NLGN4X: variants seen among roughly 807,000 people sequenced by gnomAD.
NLGN4X encodes neuroligin 4 X-linked, also known as neuroligin-4, X-linked.
In NLGN4X, 3 loss-of-function variants were observed where a neutral mutation model predicts 40.3. The ratio of observed to expected loss-of-function variants is 0.07; its 90% CI spans 0.03 to 0.19. The LOEUF (loss-of-function observed/expected upper bound fraction) is 0.19. NLGN4X is among the 10% of genes least tolerant of loss of function. The pLI is 1.00. For synonymous variants in NLGN4X, 270 were observed against 306.8 expected (o/e 0.88, Z 1.25); for missense variants, 382 against 708.3 (o/e 0.54, Z 5.23).
chrX:5,902,938 CTGTG>C (rs1386061445), intron 5 of NLGN4X, 135 bp downstream of exon 5: 107 of 679,687 alleles, frequency 1.6e-4, no homozygotes, highest in Middle Eastern at 8.1e-4. Context: ...AAGCGTGTGT[CTGTG>C]TGTATGTGTG....
At chrX:6,078,210 T>A (rs1391574735) in intron 2 of NLGN4X, among the ~76,000 whole-genome samples, 1 of 111,982 alleles carries the variant, frequency 8.9e-6, no homozygotes, top group Non-Finnish European at 1.9e-5. Flanking sequence ...CTGTCCTTCA[T>A]GCATTTGATC....
intron 2 of NLGN4X, among the ~76,000 whole-genome samples, chrX:6,134,515 T>C (rs1477860946): frequency 8.9e-6 from 1 of 112,205 alleles, no homozygotes; most frequent in East Asian, 2.8e-4. Context: ...TTCCAGTTAG[T>C]TGTGCATTTT....
chrX:6,227,400 C>G (rs1208103879), intron 1 of NLGN4X, among the ~76,000 whole-genome samples: 1 of 109,294 alleles, frequency 9.1e-6, no homozygotes, highest in Non-Finnish European at 1.9e-5. Context: ...CCAGATCCCC[C>G]GAGACCCAGA....
At chrX:6,007,607 A>G (rs908015502) in intron 3 of NLGN4X, among the ~76,000 whole-genome samples, 1 of 112,395 alleles carries the variant, frequency 8.9e-6, no homozygotes, top group South Asian at 3.6e-4. Flanking sequence ...TTGCTAACAA[A>G]ATAGTGGAAG....
At chrX:6,059,488 G>A (rs898046838) in intron 2 of NLGN4X, among the ~76,000 whole-genome samples, 1 of 112,055 alleles carries the variant, frequency 8.9e-6, no homozygotes, top group Admixed American at 9.5e-5. Flanking sequence ...CACGGTGGCA[G>A]TTAATTATAC....
chrX:6,121,967 G>A (rs1264041753), intron 2 of NLGN4X, among the ~76,000 whole-genome samples: 1 of 112,661 alleles, frequency 8.9e-6, no homozygotes, highest in African/African-American at 3.2e-5. Context: ...TTCTGGTAAA[G>A]CAGTGGAATT....
At chrX:6,020,483 C>G (rs2036502569) in intron 3 of NLGN4X, among the ~76,000 whole-genome samples, 2 of 111,747 alleles carry the variant, frequency 1.8e-5, no homozygotes, top group Non-Finnish European at 3.8e-5. Flanking sequence ...AGATGTTGGC[C>G]AAAGGTTACA....
chrX:6,136,828 T>G (rs780058331), intron 2 of NLGN4X, among the ~76,000 whole-genome samples: 1 of 111,942 alleles, frequency 8.9e-6, no homozygotes, highest in Non-Finnish European at 1.9e-5. Flanking sequence ...GACCTACTTC[T>G]CTGGTGAGCA....
chrX:5,925,617 C>A lies in NLGN4X; in HGVS notation c.626-16378G>T, dbSNP rs950824660. On this transcript the variant is annotated intron_variant, in intron 3 of 5. Coordinates refer to ENST00000381095, the MANE Select transcript of NLGN4X (RefSeq NM_181332.3). ...TTGAACATTACTGCTGAAGAACACC[C>A]CATGTTCTAGAATTAACAGAATGTT... Among the ~76,000 whole-genome samples, 5 of 107,564 alleles carry A rather than the reference C, an allele frequency of 4.6e-5. No individual in the cohort carries two copies. In the South Asian group the frequency reaches 1.7e-3, roughly 36 times the overall value. The allele number at this position is 107,564 out of a possible 115,157, so 93.4% of individuals were successfully genotyped here.
chrX:6,109,814 C>G (rs760432853), intron 2 of NLGN4X, among the ~76,000 whole-genome samples: 2 of 112,236 alleles, frequency 1.8e-5, no homozygotes, highest in African/African-American at 6.5e-5. Context: ...CTATACATTT[C>G]TCTTTCAAAA....
At chrX:6,129,004 A>G (rs2039622178) in intron 2 of NLGN4X, among the ~76,000 whole-genome samples, 1 of 111,524 alleles carries the variant, frequency 9.0e-6, no homozygotes, top group Admixed American at 9.6e-5. Context: ...TGGTCTCCTG[A>G]AAAGATGTGT....
intron 1 of NLGN4X, among the ~76,000 whole-genome samples, chrX:6,155,536 A>G (rs1262923148): frequency 8.9e-6 from 1 of 111,815 alleles, no homozygotes; most frequent in African/African-American, 3.3e-5. Flanking sequence ...TGCTGTTACC[A>G]AAATGAATGA....
intron 2 of NLGN4X, among the ~76,000 whole-genome samples, chrX:6,149,743 G>A (rs988545294): frequency 1.8e-5 from 2 of 111,311 alleles, no homozygotes; most frequent in African/African-American, 6.5e-5. Flanking sequence ...CTTTCTCTGG[G>A]CTGTTCTTTG....
At chrX:6,130,425 C>T (rs2039655682) in intron 2 of NLGN4X, among the ~76,000 whole-genome samples, 1 of 111,971 alleles carries the variant, frequency 8.9e-6, no homozygotes, top group African/African-American at 3.2e-5. Flanking sequence ...ATAATTTTGA[C>T]ACCAACCTTT....
Position 5,949,913 on chromosome X carries a change from C to G in NLGN4X, c.626-40674G>C, listed in dbSNP as rs1002351405. On this transcript the variant is annotated intron_variant, in intron 3 of 5. Coordinates refer to ENST00000381095, the MANE Select transcript of NLGN4X (RefSeq NM_181332.3). Reference sequence around the variant, plus strand: ...ACCCAGTAAATGCTGAGTACAAGTACAGAGTGCCTGGAGTGACTGCATTAG... The same window carrying G: ...ACCCAGTAAATGCTGAGTACAAGTAGAGAGTGCCTGGAGTGACTGCATTAG... 2.7e-5 allele frequency among the ~76,000 whole-genome samples: 3 copies of G among 111,653 alleles called. No individual in the cohort carries two copies. The Admixed American group carries it at 2.9e-4, about 11-fold the overall frequency.
intron 3 of NLGN4X, among the ~76,000 whole-genome samples, chrX:5,935,635 C>T (rs959994304): frequency 3.6e-4 from 40 of 111,490 alleles, no homozygotes; most frequent in African/African-American, 1.1e-3. Flanking sequence ...ACAAGAGACA[C>T]GCACAGAATC....
intron 3 of NLGN4X, among the ~76,000 whole-genome samples, chrX:5,928,263 T>G (rs1480305111): frequency 8.9e-6 from 1 of 112,716 alleles, no homozygotes; most frequent in Admixed American, 9.4e-5. Flanking sequence ...TTTGTTCATC[T>G]AATATTTGTT....
In NLGN4X at chrX:5,965,111, C is replaced by A. The variant is rs761828394; in HGVS notation, c.626-55872G>T. On this transcript the variant is annotated intron_variant, in intron 3 of 5. Transcript: ENST00000381095. The stretch of plus-strand genomic sequence containing the variant: ...AGAAAAGCTGGGCATTCAGAGAACA[C>A]CCTATTAAATTGAATGGCTTATCAA... 2.7e-5 allele frequency among the ~76,000 whole-genome samples: 3 copies of A among 111,547 alleles called. No homozygotes were observed. The South Asian group carries it at 1.1e-3, about 42-fold the overall frequency.
chrX:5,999,771 G>C (rs1330044840), intron 3 of NLGN4X, among the ~76,000 whole-genome samples: 2 of 112,056 alleles, frequency 1.8e-5, no homozygotes, highest in Non-Finnish European at 3.8e-5. Flanking sequence ...ATTATCGCTG[G>C]CTAGCTCTTG....
Sources: gnomAD v4.1 joint callset for allele counts (sites outside exome capture counted in the v4.1 genomes callset) on GRCh38, gnomAD v4.1.1 for gene constraint, MANE v1.5 for transcripts, NCBI Gene and HGNC (gene_info 2026-07-23, HGNC 2026-07-21) for gene names.